The following TRHDE variants were observed in gnomAD, a reference collection of about 807,000 sequenced individuals.
The protein encoded by TRHDE is thyrotropin-releasing hormone-degrading ectoenzyme.
TRHDE carries 72 observed loss-of-function variants against 125.7 expected under a neutral mutation model. The ratio of observed to expected loss-of-function variants is 0.57; its 90% confidence interval spans 0.47 to 0.70. The LOEUF (loss-of-function observed/expected upper bound fraction) is 0.70, where lower values mean the gene tolerates loss of function less well. Among genes scored for constraint, TRHDE ranks in the 30% least tolerant of loss-of-function variants. The pLI, the probability that TRHDE is intolerant of heterozygous loss-of-function variation, is 0.00. For missense variants in TRHDE, 1,110 were observed against 1,327.1 expected (o/e 0.84, Z 2.54); for synonymous variants, 509 against 509.1 (o/e 1.00, Z 0.00).
At chr12:72,328,887 AGCTCAATTATATAAGCTTCTT>A (rs1869458959) in intron 2 of TRHDE, among the ~76,000 whole-genome samples, 1 of 152,204 alleles carries the variant, frequency 6.6e-6, no homozygotes, top group Non-Finnish European at 1.5e-5. Flanking sequence ...CTAGTTTAAT[AGCTCAATTATATAAGCTTCTT>A]TGAAATAACT....
At chr12:72,617,363 A>G (rs1872861107) in intron 12 of TRHDE, among the ~76,000 whole-genome samples, 1 of 152,158 alleles carries the variant, frequency 6.6e-6, no homozygotes, top group Non-Finnish European at 1.5e-5. Flanking sequence ...TATGGACATT[A>G]TAAGCACAGG....
At chr12:72,283,845 T>C (rs1879782156) in intron 1 of TRHDE, among the ~76,000 whole-genome samples, 1 of 152,072 alleles carries the variant, frequency 6.6e-6, no homozygotes, top group Non-Finnish European at 1.5e-5. Context: ...GTTGTAGAAC[T>C]CTTCCCCTAG....
intron 2 of TRHDE, among the ~76,000 whole-genome samples, chr12:72,205,211 A>C (rs1877639352): frequency 6.6e-6 from 1 of 152,068 alleles, no homozygotes; most frequent in Non-Finnish European, 1.5e-5. Flanking sequence ...CCTTTGGTAC[A>C]CCAAAATTTT....
At chr12:72,383,551 GT>G (rs1194525073) in intron 3 of TRHDE, among the ~76,000 whole-genome samples, 1 of 151,030 alleles carries the variant, frequency 6.6e-6, no homozygotes, top group Non-Finnish European at 1.5e-5. Context: ...AAATTTTTGT[GT>G]TTTTAGTACA....
intron 2 of TRHDE, among the ~76,000 whole-genome samples, chr12:72,216,967 AG>A (rs984671833): frequency 3.2e-3 from 235 of 72,344 alleles, no homozygotes; most frequent in Non-Finnish European, 5.2e-3. Flanking sequence ...AGGTAATGCT[AG>A]TTTTTTTTTT....
chr12:72,517,333 G>C (rs1878922765), intron 6 of TRHDE, among the ~76,000 whole-genome samples: 1 of 151,872 alleles, frequency 6.6e-6, no homozygotes, highest in South Asian at 2.1e-4. Flanking sequence ...CCTGTTATTG[G>C]TCTATTCAGA....
At chr12:72,433,091 T>A (rs1182990350) in intron 3 of TRHDE, among the ~76,000 whole-genome samples, 1 of 152,188 alleles carries the variant, frequency 6.6e-6, no homozygotes, top group East Asian at 1.9e-4. Context: ...ATTTATATAG[T>A]GTATTACAGT....
At chr12:72,185,206 G>A (rs2139344313) in intron 2 of TRHDE, among the ~76,000 whole-genome samples, 1 of 152,356 alleles carries the variant, frequency 6.6e-6, no homozygotes, top group South Asian at 2.1e-4. Context: ...GCTCCGGAGG[G>A]TGTACTGGGT....
intron 6 of TRHDE, among the ~76,000 whole-genome samples, chr12:72,534,757 GACTAT>G (rs1868764595): frequency 6.6e-6 from 1 of 151,900 alleles, no homozygotes; most frequent in Admixed American, 6.6e-5. Flanking sequence ...TAGCTGTGTG[GACTAT>G]ACTATGGTAT....
rs144593034 is a variant in TRHDE, at chr12:72,240,719, A to G, written n.279+134967A>G. On this transcript the variant is annotated intron_variant and non_coding_transcript_variant, in intron 2 of 4. Coordinates refer to the TRHDE transcript ENST00000548156. The stretch of plus-strand genomic sequence containing the variant: ...CAAGTAGCTGGGACTACAGGCGCCC[A>G]CCACCATGCCCGGCTAATTTCTTTT... Among the ~76,000 whole-genome samples the G allele has an allele frequency of 1.0e-3, 155 of 151,732 alleles. 2 individuals carry two copies. In the East Asian group the frequency reaches 0.021, roughly 21 times the overall value.
intron 15 of TRHDE, among the ~76,000 whole-genome samples, chr12:72,629,679 T>C (rs1403420262): frequency 2.6e-5 from 4 of 151,756 alleles, no homozygotes; most frequent in Non-Finnish European, 5.9e-5. Context: ...ATATTTGTAC[T>C]AAGACACAGT....
Position 72,272,370 on chromosome 12 carries a change from G to A in TRHDE, c.-274G>A. 2 of 374,516 alleles carry A rather than the reference G, an allele frequency of 5.3e-6. No homozygotes were observed. The highest frequency in any genetic ancestry group is 7.5e-5 in the Admixed American group (2 of 26,648). The allele number at this position is 374,516 out of a possible 1,614,324, so 23.2% of individuals were successfully genotyped here. A position where few individuals can be genotyped will look rare whatever the true frequency, so the allele number is the denominator to read the frequency against. ...GTGCCCCGCCGCCGGGTGCTCGTCC[G>A]AGAAGTAGCGCGCGCTGGGCAAGCA... On this transcript the variant is annotated 5_prime_UTR_variant, in exon 1 of 19. Coordinates refer to ENST00000261180, the MANE Select transcript of TRHDE (RefSeq NM_013381.3). The surrounding 1 kb of genome is among the most constrained non-coding windows in gnomAD (Gnocchi z 6.7).
chr12:72,476,989 G>C lies in TRHDE; in HGVS notation c.1584+3809G>C, dbSNP rs12297020. On this transcript the variant is annotated intron_variant, in intron 5 of 18. Transcript: ENST00000261180. ...CAACTTTACCATTTTATAGATATGG[G>C]GTTTTACAGGAAGTATGATACAAGT... is the stretch of plus-strand genomic sequence containing the variant. Among the ~76,000 whole-genome samples the C allele has an allele frequency of 5.9e-3, 893 of 152,060 alleles. 5 individuals carry two copies. Among genetic ancestry groups the C allele is most frequent in the African/African-American group, 0.02 (832 of 41,472 alleles).
intron 15 of TRHDE, among the ~76,000 whole-genome samples, chr12:72,628,438 T>A (rs1274815349): frequency 6.6e-6 from 1 of 151,876 alleles, no homozygotes; most frequent in African/African-American, 2.4e-5. Flanking sequence ...AAGATTAGAT[T>A]CTTGATACTT....
chr12:72,185,715 C>G (rs1211906908), intron 2 of TRHDE, among the ~76,000 whole-genome samples: 1 of 151,640 alleles, frequency 6.6e-6, no homozygotes, highest in Admixed American at 6.6e-5. Context: ...CCAATGGACA[C>G]TCTGTATCTA....
At chr12:72,568,058 T>C (rs930231075) in intron 9 of TRHDE, among the ~76,000 whole-genome samples, 1 of 152,116 alleles carries the variant, frequency 6.6e-6, no homozygotes, top group Admixed American at 6.6e-5. Context: ...TGACTAGTTT[T>C]TTTTTCTTTC....
intron 12 of TRHDE, among the ~76,000 whole-genome samples, chr12:72,613,267 G>A (rs1872695727): frequency 6.6e-6 from 1 of 152,058 alleles, no homozygotes; most frequent in Non-Finnish European, 1.5e-5. Context: ...ATTTTATTTT[G>A]GTATAGACTG....
At chr12:72,470,655 ACTTATAACAC>A (rs1876597311) in intron 4 of TRHDE, among the ~76,000 whole-genome samples, 1 of 152,126 alleles carries the variant, frequency 6.6e-6, no homozygotes, top group Non-Finnish European at 1.5e-5. Context: ...GGAGCTTTAA[ACTTATAACAC>A]CAGATATCTC....
intron 15 of TRHDE, among the ~76,000 whole-genome samples, chr12:72,636,451 A>G (rs1873756041): frequency 6.6e-6 from 1 of 151,656 alleles, no homozygotes; most frequent in African/African-American, 2.4e-5. Context: ...GTCTGCAAAC[A>G]GGGACAATTT....
Sources: allele counts gnomAD v4.1 joint callset (sites outside exome capture counted in the v4.1 genomes callset), GRCh38; gene constraint gnomAD v4.1.1; non-coding constraint Gnocchi (gnomAD v3.1); transcripts MANE v1.5; gene names NCBI Gene and HGNC (gene_info 2026-07-23, HGNC 2026-07-21).